The following KIF6 variants were observed in gnomAD, a reference collection of about 807,000 sequenced individuals.
KIF6 encodes kinesin-like protein KIF6.
A neutral mutation model predicts 112.7 loss-of-function variants in KIF6; 106 were observed. That is an observed-to-expected ratio of 0.94 (90% CI 0.80 to 1.11). The LOEUF (loss-of-function observed/expected upper bound fraction) is 1.11. KIF6 is among the 50% of genes least tolerant of loss of function. The pLI, the probability that KIF6 is intolerant of heterozygous loss-of-function variation, is 0.00. For synonymous variants in KIF6, 339 were observed against 339.9 expected (o/e 1.00, Z 0.03); for missense variants, 929 against 964.0 (o/e 0.96, Z 0.48).
At chr6:39,463,048 CAGCT>C (rs895138791) in intron 13 of KIF6, among the ~76,000 whole-genome samples, 6 of 152,174 alleles carry the variant, frequency 3.9e-5, no homozygotes, top group Admixed American at 3.9e-4. Flanking sequence ...GCTAAGACAA[CAGCT>C]AAGATGAAAT....
At chr6:39,439,636 G>C (rs1473425539) in intron 13 of KIF6, among the ~76,000 whole-genome samples, 1 of 152,086 alleles carries the variant, frequency 6.6e-6, no homozygotes, top group Non-Finnish European at 1.5e-5. Context: ...CTCAGGGTTG[G>C]GTTTCTGAAA....
At chr6:39,541,813 A>G (rs575461755) in intron 12 of KIF6, among the ~76,000 whole-genome samples, 13 of 152,332 alleles carry the variant, frequency 8.5e-5, no homozygotes, top group South Asian at 8.3e-4. Context: ...AGAACCAGCC[A>G]GAGGAAGAAC....
At chr6:39,347,887 C>T (rs1038062582) in intron 19 of KIF6, among the ~76,000 whole-genome samples, 3 of 152,234 alleles carry the variant, frequency 2.0e-5, no homozygotes, top group Admixed American at 1.3e-4. Flanking sequence ...CTGGGGAAGC[C>T]CCCCCTCACC....
At chr6:39,647,706 A>ATT (rs1185142569) in intron 3 of KIF6, among the ~76,000 whole-genome samples, 170 of 136,630 alleles carry the variant, frequency 1.2e-3, no homozygotes, top group Non-Finnish European at 2.3e-3. Context: ...GAAGGCCCTG[A>ATT]TTTTTTTTTT....
At chr6:39,628,358 T>G (rs958723695) in intron 5 of KIF6, among the ~76,000 whole-genome samples, 2 of 152,088 alleles carry the variant, frequency 1.3e-5, no homozygotes, top group Non-Finnish European at 2.9e-5. Flanking sequence ...TATATGCAAT[T>G]TCCCCAATTT....
chr6:39,343,820 A>G lies in KIF6; in HGVS notation c.2322-5T>C. On this transcript the variant is annotated splice_polypyrimidine_tract_variant and splice_region_variant and intron_variant, in intron 21 of 22. Coordinates refer to ENST00000287152, the MANE Select transcript of KIF6 (RefSeq NM_145027.6). This position sits in a 1 kb window ranked among gnomAD's most constrained non-coding sequence, Gnocchi z 4.1. ...GACACTGGCCTCTTGGGGATGCTGG[A>G]GGCAACCACGTGTCACATTTTACTA... The G allele has an allele frequency of 6.4e-7, 1 of 1,566,460 alleles. No homozygotes were observed. The highest frequency in any genetic ancestry group is 8.7e-7 in the Non-Finnish European group (1 of 1,148,598).
rs527680558 is a variant in KIF6, at chr6:39,417,248, G to T, written c.1810+2700C>A. On this transcript the variant is annotated intron_variant, in intron 15 of 22. Transcript: ENST00000287152. The stretch of plus-strand genomic sequence containing the variant: ...CCCTGAGGTCAAGCACCGTGAGGGG[G>T]TATTCAGTAATACGGCTGAGTCTCA... 3.9e-5 allele frequency among the ~76,000 whole-genome samples: 6 copies of T among 152,308 alleles called. No individual in the cohort carries two copies. The South Asian group carries it at 1.2e-3, about 32-fold the overall frequency.
chr6:39,394,372 T>A (rs1768100918), intron 15 of KIF6, among the ~76,000 whole-genome samples: 1 of 152,234 alleles, frequency 6.6e-6, no homozygotes, highest in African/African-American at 2.4e-5. Context: ...ACACATGTGA[T>A]GTCATCTGCC....
chr6:39,511,534 T>G (rs1456437579), intron 13 of KIF6, among the ~76,000 whole-genome samples: 1 of 152,196 alleles, frequency 6.6e-6, no homozygotes, highest in African/African-American at 2.4e-5. Flanking sequence ...GACAGTGTGG[T>G]GATTCCTCAA....
chr6:39,713,969 A>T (rs538829566), intron 3 of KIF6, among the ~76,000 whole-genome samples: 1 of 152,310 alleles, frequency 6.6e-6, no homozygotes, highest in South Asian at 2.1e-4. Context: ...TGTAAAGATG[A>T]ATGTGTCTTG....
intron 13 of KIF6, among the ~76,000 whole-genome samples, chr6:39,495,086 C>T (rs1485163871): frequency 6.6e-6 from 1 of 152,206 alleles, no homozygotes; most frequent in Non-Finnish European, 1.5e-5. Context: ...TCACCAACAA[C>T]ATTTCCTGCA....
chr6:39,633,638 G>T (rs973232216), intron 5 of KIF6, among the ~76,000 whole-genome samples: 1 of 152,174 alleles, frequency 6.6e-6, no homozygotes, highest in African/African-American at 2.4e-5. Flanking sequence ...GAGAGCAAGC[G>T]CAATGCCTTA....
intron 10 of KIF6, among the ~76,000 whole-genome samples, chr6:39,569,429 T>C (rs1248603455): frequency 6.6e-6 from 1 of 152,216 alleles, no homozygotes; most frequent in African/African-American, 2.4e-5. Context: ...TTTGAAAAAT[T>C]ATTCTGTCTT....
chr6:39,465,134 C>T (rs928234094), intron 13 of KIF6, among the ~76,000 whole-genome samples: 7 of 152,110 alleles, frequency 4.6e-5, no homozygotes, highest in Non-Finnish European at 8.8e-5. Flanking sequence ...TCTGCTGCTT[C>T]GGTAGGCGGG....
In KIF6 at chr6:39,431,057, G is replaced by C; in HGVS notation, c.1750C>G (p.Gln584Glu). 1 of 1,607,650 alleles carries C rather than the reference G, an allele frequency of 6.2e-7. No homozygotes were observed. Among genetic ancestry groups the C allele is most frequent in the Non-Finnish European group, 8.5e-7 (1 of 1,174,506 alleles). Reference protein sequence around the residue: ...TIDDNKQILKQRFSEAKALGE... With the variant: ...TIDDNKQILKERFSEAKALGE... The stretch of plus-strand genomic sequence containing the variant: ...TGCTCTCTGAGACAGCCTTACCTCT[G>C]TTTCAGAATCTGTTTGTTGTCATCG... Residue 584 changes from glutamine to glutamate, a missense_variant, in exon 14 of 23, where the codon CAG (glutamine) becomes GAG (glutamate). Around this residue, in one of 2 missense-constraint regions of KIF6, gnomAD observed 241 missense variants for 301.4 expected, o/e 0.80. Coordinates refer to ENST00000287152, the MANE Select transcript of KIF6 (RefSeq NM_145027.6).
At chr6:39,337,671 C>T (rs55924060) in intron 22 of KIF6, among the ~76,000 whole-genome samples, 36,539 of 151,968 alleles carry the variant, frequency 0.24, 4,733 homozygotes, top group East Asian at 0.46. Flanking sequence ...TTGCTTTTTC[C>T]TCCAGATATT....
At chr6:39,469,202 T>C (rs900389838) in intron 13 of KIF6, among the ~76,000 whole-genome samples, 2 of 151,934 alleles carry the variant, frequency 1.3e-5, no homozygotes, top group African/African-American at 4.8e-5. Flanking sequence ...ATTAGAGGGA[T>C]TAAAATGCTA....
At chr6:39,482,837 G>A (rs1176625787) in intron 13 of KIF6, among the ~76,000 whole-genome samples, 1 of 152,130 alleles carries the variant, frequency 6.6e-6, no homozygotes, top group Non-Finnish European at 1.5e-5. Context: ...CTCCGGGTAC[G>A]AGGACACATG....
intron 3 of KIF6, among the ~76,000 whole-genome samples, chr6:39,681,278 A>G (rs971731153): frequency 6.6e-6 from 1 of 152,142 alleles, no homozygotes; most frequent in Admixed American, 6.5e-5. Flanking sequence ...TAAAAGCAAA[A>G]ACAAAAAGAC....
Sources: allele counts gnomAD v4.1 joint callset (sites outside exome capture counted in the v4.1 genomes callset), GRCh38; gene constraint gnomAD v4.1.1; regional missense constraint gnomAD v4.1.1; non-coding constraint Gnocchi (gnomAD v3.1); transcripts MANE v1.5; gene names NCBI Gene and HGNC (gene_info 2026-07-23, HGNC 2026-07-21).